MAML3: variants seen among roughly 807,000 people sequenced by gnomAD.
MAML3 encodes mastermind like transcriptional coactivator 3, also known as mastermind-like protein 3.
Under a neutral mutation model 101.9 loss-of-function variants are expected in MAML3, and 27 were observed. The ratio of observed to expected loss-of-function variants is 0.27; its 90% CI spans 0.20 to 0.37. MAML3 has a LOEUF of 0.37. MAML3 is among the 10% of genes least tolerant of loss of function. The probability of loss-of-function intolerance (pLI) is 1.00; values close to 1 mark genes in which losing one functional copy is unlikely to be tolerated. For synonymous variants in MAML3, 501 were observed against 555.9 expected (o/e 0.90, Z 1.39); for missense variants, 1,316 against 1,444.9 (o/e 0.91, Z 1.45).
At chr4:139,882,354 CA>C (rs1249422297) in intron 2 of MAML3, among the ~76,000 whole-genome samples, 1 of 148,576 alleles carries the variant, frequency 6.7e-6, no homozygotes. Flanking sequence ...GTACTAGATA[CA>C]GTGAATGAAA....
At chr4:139,781,508 C>CATGTATATATATATATATATATAT in intron 2 of MAML3, among the ~76,000 whole-genome samples, 1 of 137,088 alleles carries the variant, frequency 7.3e-6, no homozygotes, top group South Asian at 2.4e-4. Flanking sequence ...AGAGCATTTT[C>CATGTATATATATATATATATATAT]ATATATATAT....
At chr4:140,148,275 A>G (rs1043059245) in intron 1 of MAML3, among the ~76,000 whole-genome samples, 1 of 152,212 alleles carries the variant, frequency 6.6e-6, no homozygotes, top group Non-Finnish European at 1.5e-5. Flanking sequence ...CTTGAAGAGC[A>G]TTTTGTAGAT....
intron 1 of MAML3, among the ~76,000 whole-genome samples, chr4:139,943,973 C>G (rs1040658384): frequency 4.1e-5 from 6 of 146,228 alleles, no homozygotes; most frequent in Non-Finnish European, 7.4e-5. Context: ...CGGGTTCAAG[C>G]GATTCTCCTG....
intron 1 of MAML3, among the ~76,000 whole-genome samples, chr4:139,892,531 T>G (rs1199582410): frequency 6.6e-6 from 1 of 152,012 alleles, no homozygotes; most frequent in Non-Finnish European, 1.5e-5. Context: ...TCCATTCATT[T>G]GCTCTTTAGT....
intron 2 of MAML3, among the ~76,000 whole-genome samples, chr4:139,847,481 A>G (rs1331746492): frequency 6.6e-6 from 1 of 152,202 alleles, no homozygotes; most frequent in Non-Finnish European, 1.5e-5. Context: ...CGCTCAGTTC[A>G]TAGGGAGGTA....
chr4:139,741,663 C>G (rs1208917871), intron 2 of MAML3, among the ~76,000 whole-genome samples: 2 of 152,270 alleles, frequency 1.3e-5, no homozygotes, highest in East Asian at 3.9e-4. Flanking sequence ...GGGAGGATCG[C>G]TTGAGCCTGG....
intron 2 of MAML3, among the ~76,000 whole-genome samples, chr4:139,832,968 T>C (rs907389986): frequency 1.3e-5 from 2 of 152,232 alleles, no homozygotes; most frequent in African/African-American, 4.8e-5. Flanking sequence ...CCAGAGAGCA[T>C]AACAGTAATT....
chr4:139,954,667 C>G (rs1733886933), intron 1 of MAML3, among the ~76,000 whole-genome samples: 1 of 152,202 alleles, frequency 6.6e-6, no homozygotes, highest in Non-Finnish European at 1.5e-5. Context: ...GCAAGAGATT[C>G]ACTTTGCGTA....
intron 1 of MAML3, among the ~76,000 whole-genome samples, chr4:139,942,610 T>A (rs959210066): frequency 6.6e-6 from 1 of 151,914 alleles, no homozygotes; most frequent in African/African-American, 2.4e-5. Context: ...AAATCAACCT[T>A]CAAGAAGATA....
rs149712070 is a variant in MAML3 at position 139,781,779 on chromosome 4, G to A, written c.2080-51112C>T. On this transcript the variant is annotated intron_variant, in intron 2 of 4. Transcript: ENST00000509479. ...TTTCAACACCAGCCATCTATTCATG[G>A]TGATGCTGTTACTCCTTAAAAACTT... is the stretch of plus-strand genomic sequence containing the variant. 2.8e-4 allele frequency among the ~76,000 whole-genome samples: 42 copies of A among 152,244 alleles called. No individual in the cohort carries two copies. The East Asian group carries it at 7.9e-3, about 29-fold the overall frequency.
intron 1 of MAML3, among the ~76,000 whole-genome samples, chr4:139,911,012 T>C (rs772588157): frequency 6.6e-6 from 1 of 152,182 alleles, no homozygotes; most frequent in Non-Finnish European, 1.5e-5. Context: ...CATCTTGCAA[T>C]ACTGAAACTC....
intron 1 of MAML3, among the ~76,000 whole-genome samples, chr4:140,128,312 A>G (rs1661690648): frequency 6.6e-6 from 1 of 152,218 alleles, no homozygotes; most frequent in Admixed American, 6.5e-5. Flanking sequence ...ACAGTCACAG[A>G]TGAGCGAAGA....
At chr4:140,047,098 G>A (rs557773066) in intron 1 of MAML3, among the ~76,000 whole-genome samples, 84 of 152,156 alleles carry the variant, frequency 5.5e-4, no homozygotes, top group African/African-American at 2.0e-3. Flanking sequence ...CATTTGAGAT[G>A]GGCTTTTGAG....
intron 2 of MAML3, among the ~76,000 whole-genome samples, chr4:139,822,575 T>A (rs1050905243): frequency 6.6e-6 from 1 of 152,212 alleles, no homozygotes; most frequent in African/African-American, 2.4e-5. Flanking sequence ...GAACAGCATC[T>A]GCTCCATCAG....
chr4:140,054,405 A>AAACAGT (rs1174648864), intron 1 of MAML3, among the ~76,000 whole-genome samples: 1 of 151,994 alleles, frequency 6.6e-6, no homozygotes, highest in African/African-American at 2.4e-5. Flanking sequence ...GAAAAAAGAA[A>AAACAGT]AACAGTAACA....
In MAML3 at chr4:139,730,237, G is replaced by GA. The variant is rs1475553213; in HGVS notation, c.2331+178dup. On this transcript the variant is annotated intron_variant, in intron 3 of 4. Coordinates refer to ENST00000509479, the MANE Select transcript of MAML3 (RefSeq NM_018717.5). ...TTAAGAACAAATTAATTCATTATAG[G>GA]AAAAACCCTAACTAATTGAAAGGTC... is the stretch of plus-strand genomic sequence containing the variant. The GA allele has an allele frequency of 4.8e-6, 3 of 628,924 alleles. No homozygotes were observed. In the African/African-American group the frequency reaches 5.5e-5, roughly 12 times the overall value. The allele number at this position is 628,924 out of a possible 1,614,324, so 39.0% of individuals were successfully genotyped here.
At chr4:139,762,193 T>C (rs543279195) in intron 2 of MAML3, among the ~76,000 whole-genome samples, 1 of 152,302 alleles carries the variant, frequency 6.6e-6, no homozygotes, top group African/African-American at 2.4e-5. Flanking sequence ...GTTCCATGAG[T>C]GCAGGGCCTT....
chr4:139,986,623 T>G (rs1283552918), intron 1 of MAML3, among the ~76,000 whole-genome samples: 1 of 152,116 alleles, frequency 6.6e-6, no homozygotes, highest in African/African-American at 2.4e-5. Context: ...CTTACTTTTT[T>G]TTTTTTTAAG....
At chr4:140,045,726 T>C (rs1727172532) in intron 1 of MAML3, among the ~76,000 whole-genome samples, 1 of 152,218 alleles carries the variant, frequency 6.6e-6, no homozygotes, top group Non-Finnish European at 1.5e-5. Context: ...ATCCTGAGTA[T>C]GGCAACACTC....
Sources: allele counts gnomAD v4.1 joint callset (sites outside exome capture counted in the v4.1 genomes callset), GRCh38; gene constraint gnomAD v4.1.1; transcripts MANE v1.5; gene names NCBI Gene and HGNC (gene_info 2026-07-23, HGNC 2026-07-21).